The following HECTD2 variants were observed in gnomAD, a reference collection of about 807,000 sequenced individuals.
The protein encoded by HECTD2 is HECT domain E3 ubiquitin protein ligase 2.
HECTD2 carries 35 observed loss-of-function variants against 103.2 expected under a neutral mutation model. The observed-to-expected ratio is 0.34, with a 90% CI of 0.26 to 0.45. The LOEUF (loss-of-function observed/expected upper bound fraction) is 0.45. HECTD2 is among the 20% of genes least tolerant of loss of function. The pLI is 1.00. For missense variants in HECTD2, 596 were observed against 937.4 expected, an observed-to-expected ratio of 0.64 and a Z score of 4.76; for synonymous variants, 281 against 329.9, an observed-to-expected ratio of 0.85 and a Z score of 1.61.
At chr10:91,457,224 C>T (rs1291023340) in intron 2 of HECTD2, among the ~76,000 whole-genome samples, 2 of 151,894 alleles carry the variant, frequency 1.3e-5, no homozygotes, top group Non-Finnish European at 2.9e-5. Context: ...GATAATTCTA[C>T]CAAATGTTTA....
At chr10:91,459,352 G>T (rs1263792195) in intron 2 of HECTD2, among the ~76,000 whole-genome samples, 3 of 151,924 alleles carry the variant, frequency 2.0e-5, no homozygotes, top group Non-Finnish European at 4.4e-5. Flanking sequence ...TCAAAGAAAT[G>T]AGGAATTATT....
intron 2 of HECTD2, among the ~76,000 whole-genome samples, chr10:91,456,839 G>C (rs541038182): frequency 9.2e-5 from 14 of 152,154 alleles, no homozygotes; most frequent in African/African-American, 3.4e-4. Flanking sequence ...CAAGCAGGAA[G>C]GAGGAAATAT....
intron 20 of HECTD2, among the ~76,000 whole-genome samples, chr10:91,509,507 A>G (rs1847338855): frequency 6.6e-6 from 1 of 152,098 alleles, no homozygotes; most frequent in Admixed American, 6.5e-5. Flanking sequence ...ACATGCATGC[A>G]TATGTTCATT....
chr10:91,498,649 T>C (rs963333570), intron 16 of HECTD2, among the ~76,000 whole-genome samples: 8 of 152,218 alleles, frequency 5.3e-5, no homozygotes, highest in African/African-American at 1.9e-4. Flanking sequence ...TTAAAGTATT[T>C]AACTGTATTA....
chr10:91,458,688 C>T (rs911733533), intron 2 of HECTD2, among the ~76,000 whole-genome samples: 3 of 151,596 alleles, frequency 2.0e-5, no homozygotes, highest in Non-Finnish European at 4.4e-5. Context: ...CATCTATAAA[C>T]AAAAAATAAT....
At chr10:91,453,643 A>G (rs929930602) in intron 2 of HECTD2, among the ~76,000 whole-genome samples, 1 of 152,196 alleles carries the variant, frequency 6.6e-6, no homozygotes, top group African/African-American at 2.4e-5. Flanking sequence ...AATAACAGAA[A>G]TGATAAGCAG....
At chr10:91,465,517 G>A (rs1845499689) in intron 5 of HECTD2, among the ~76,000 whole-genome samples, 1 of 151,266 alleles carries the variant, frequency 6.6e-6, no homozygotes, top group African/African-American at 2.4e-5. Flanking sequence ...AATGAACCTG[G>A]ATCATCTAGT....
chr10:91,463,996 G>A (rs529086360), intron 5 of HECTD2, among the ~76,000 whole-genome samples: 4 of 152,022 alleles, frequency 2.6e-5, no homozygotes, highest in South Asian at 2.1e-4. Context: ...AATTTAAGTC[G>A]TTTTTTGCAA....
intron 1 of HECTD2, among the ~76,000 whole-genome samples, chr10:91,419,266 A>T (rs1843255186): frequency 6.6e-6 from 1 of 152,302 alleles, no homozygotes; most frequent in Non-Finnish European, 1.5e-5. Flanking sequence ...TCTTATTGGC[A>T]TTGGTAGAAA....
chr10:91,500,501 G>T lies in HECTD2; in HGVS notation c.1951-1G>T. The T allele has an allele frequency of 6.8e-7, 1 of 1,471,178 alleles. No individual in the cohort carries two copies. The highest frequency in any genetic ancestry group is 9.5e-7 in the Non-Finnish European group (1 of 1,050,896). The allele number at this position is 1,471,178 out of a possible 1,614,324, so 91.1% of individuals were successfully genotyped here. Reference sequence around the variant, plus strand: ...TGTTTTTGATAAATAATTATTGGCAGCTGCTTCGTCCAGAAGAGGTTGAAA... The same window carrying T: ...TGTTTTTGATAAATAATTATTGGCATCTGCTTCGTCCAGAAGAGGTTGAAA... On this transcript the variant is annotated splice_acceptor_variant, in intron 18 of 20. Transcript: ENST00000298068. LOFTEE classifies it high-confidence loss of function.
chr10:91,432,303 G>A (rs868848419), intron 2 of HECTD2, among the ~76,000 whole-genome samples: 52 of 151,926 alleles, frequency 3.4e-4, no homozygotes, highest in East Asian at 2.3e-3. Flanking sequence ...TTGTTTGCCC[G>A]TCTGATCTTC....
At chr10:91,505,699 C>T (rs1220230188) in intron 20 of HECTD2, among the ~76,000 whole-genome samples, 4 of 151,146 alleles carry the variant, frequency 2.6e-5, no homozygotes, top group Admixed American at 2.6e-4. Context: ...CCACTGTCAA[C>T]ATTAGACAGA....
At chr10:91,488,387 C>G (rs1019444025) in intron 11 of HECTD2, 1 of 152,224 alleles carries the variant, frequency 6.6e-6, no homozygotes, top group African/African-American at 2.4e-5. Context: ...CTTACCACTT[C>G]CTATCCCTTG....
rs1589481567 is a variant in HECTD2, at chr10:91,438,675, C to G, written c.268+13265C>G. 5.3e-5 allele frequency among the ~76,000 whole-genome samples: 8 copies of G among 152,118 alleles called. 2 individuals carry two copies. Among genetic ancestry groups the G allele is most frequent in the Admixed American group, 5.2e-4 (8 of 15,302 alleles). ...CACACTGTCTTCCACAATGGTTTAA[C>G]TAATTTACACTCCCACCAACAGTGT... is the stretch of plus-strand genomic sequence containing the variant. On this transcript the variant is annotated intron_variant, in intron 2 of 20. Transcript: ENST00000298068.
intron 1 of HECTD2, among the ~76,000 whole-genome samples, chr10:91,416,876 A>G (rs1843148708): frequency 6.6e-6 from 1 of 151,848 alleles, no homozygotes; most frequent in African/African-American, 2.4e-5. Context: ...ACTCCCCAGA[A>G]TTAAGGGATG....
In HECTD2 at chr10:91,431,842, G is replaced by A. The variant is rs1455140222; in HGVS notation, c.268+6432G>A. On this transcript the variant is annotated intron_variant, in intron 2 of 20. Transcript: ENST00000298068. The stretch of plus-strand genomic sequence containing the variant: ...TGGTTTGAATTTCCTCCTGTAGCTC[G>A]GAGTAGTTTGATTGTCTGAAGCCTT... Among the ~76,000 whole-genome samples, 4 of 151,966 alleles carry A rather than the reference G, an allele frequency of 2.6e-5. No homozygotes were observed. In the East Asian group the frequency reaches 5.8e-4, roughly 22 times the overall value.
At position 91,512,248 on chromosome 10, in the gene HECTD2, T is replaced by C. The variant is rs376302309; in HGVS notation, c.2211-16T>C. On this transcript the variant is annotated splice_polypyrimidine_tract_variant and intron_variant, in intron 20 of 20. Transcript: ENST00000298068. ...TGTTTCAAGACTTAGTATTTTTTTT[T>C]AATTTTTTTCCCTAGCTTACCTGTG... The C allele has an allele frequency of 6.2e-7, 1 of 1,606,328 alleles. No individual in the cohort carries two copies. The highest frequency in any genetic ancestry group is 1.3e-5 in the African/African-American group (1 of 74,386).
intron 5 of HECTD2, chr10:91,462,670 C>A (rs1015539599): frequency 1.2e-5 from 12 of 994,228 alleles, no homozygotes; most frequent in Middle Eastern, 5.0e-4. Flanking sequence ...AATTATGTCA[C>A]CATTCAAAAA....
chr10:91,433,488 G>A (rs1315401286), intron 2 of HECTD2, among the ~76,000 whole-genome samples: 1 of 151,952 alleles, frequency 6.6e-6, no homozygotes, highest in African/African-American at 2.4e-5. Flanking sequence ...TTCTGTATCA[G>A]TACATAGAAA....
Sources: allele counts gnomAD v4.1 joint callset (sites outside exome capture counted in the v4.1 genomes callset), GRCh38; gene constraint gnomAD v4.1.1; transcripts MANE v1.5; gene names NCBI Gene and HGNC (gene_info 2026-07-23, HGNC 2026-07-21).